STXBP3: variants seen among roughly 807,000 people sequenced by gnomAD.
The protein encoded by STXBP3 is syntaxin-binding protein 3.
A neutral mutation model predicts 85.7 loss-of-function variants in STXBP3; 41 were observed. The ratio of observed to expected loss-of-function variants is 0.48; its 90% confidence interval spans 0.37 to 0.62. The LOEUF is 0.62. Ranked by LOEUF, STXBP3 falls within the 20% of genes least tolerant of loss-of-function variation. The probability of loss-of-function intolerance (pLI) is 0.00; values close to 1 mark genes in which losing one functional copy is unlikely to be tolerated. For missense variants in STXBP3, 563 were observed against 703.1 expected, an observed-to-expected ratio of 0.80 and a Z score of 2.25; for synonymous variants, 229 against 231.7, an observed-to-expected ratio of 0.99 and a Z score of 0.10.
intron 8 of STXBP3, among the ~76,000 whole-genome samples, chr1:108,777,088 G>A (rs539083044): frequency 6.6e-6 from 1 of 152,244 alleles, no homozygotes; most frequent in South Asian, 2.1e-4. Flanking sequence ...AGCTTGAGGA[G>A]ACTGACAGAG....
In STXBP3 at chr1:108,792,924, C is replaced by T. The variant is rs1431057060; in HGVS notation, c.964-658C>T. ...TTAGGTCTCTTTACTTTGTCTAGATCAGGAGATGCTAGTATATTCTTAGCA... is the reference window on the plus strand; with the variant it reads ...TTAGGTCTCTTTACTTTGTCTAGATTAGGAGATGCTAGTATATTCTTAGCA... On this transcript the variant is annotated intron_variant, in intron 11 of 18. Transcript: ENST00000370008. Among the ~76,000 whole-genome samples the T allele has an allele frequency of 2.0e-5, 3 of 152,282 alleles. No individual in the cohort carries two copies. In the East Asian group the frequency reaches 5.8e-4, roughly 29 times the overall value.
intron 7 of STXBP3, 52 bp from the exon 8 acceptor site, chr1:108,776,281 A>G: frequency 8.3e-7 from 1 of 1,198,392 alleles, no homozygotes; most frequent in South Asian, 1.7e-5. Flanking sequence ...ATGATATTAT[A>G]AAGTATACAC....
chr1:108,748,196 T>C (rs147793831), intron 1 of STXBP3, among the ~76,000 whole-genome samples: 17 of 152,294 alleles, frequency 1.1e-4, no homozygotes, highest in African/African-American at 3.9e-4. Flanking sequence ...AATTGCTTTT[T>C]AAATACCTTG....
chr1:108,795,270 A>G (rs990814847), intron 13 of STXBP3, among the ~76,000 whole-genome samples: 2 of 152,160 alleles, frequency 1.3e-5, no homozygotes, highest in Non-Finnish European at 2.9e-5. Context: ...TCATGCCTCA[A>G]CTGTTTAGAC....
intron 3 of STXBP3, among the ~76,000 whole-genome samples, chr1:108,753,670 C>T (rs888665207): frequency 2.6e-5 from 4 of 152,004 alleles, no homozygotes; most frequent in African/African-American, 9.7e-5. Context: ...ATCATAATGT[C>T]ATAAGAAGTT....
chr1:108,747,344 G>C (rs924532570), intron 1 of STXBP3, among the ~76,000 whole-genome samples: 1 of 152,166 alleles, frequency 6.6e-6, no homozygotes, highest in African/African-American at 2.4e-5. Flanking sequence ...TTTCTGAAAA[G>C]TTCTTGAGAA....
rs75833177 is a variant in STXBP3, at chr1:108,750,084, A to G, written c.50-2173A>G. The stretch of plus-strand genomic sequence containing the variant: ...AGGACAATGCAGTTCTAAGGTTTCA[A>G]AGACTGTAATGAGATGACTTCTGCT... On this transcript the variant is annotated intron_variant, in intron 1 of 18. Coordinates refer to ENST00000370008, the MANE Select transcript of STXBP3 (RefSeq NM_007269.4). 5.9e-5 allele frequency among the ~76,000 whole-genome samples: 9 copies of G among 152,128 alleles called. No individual in the cohort carries two copies. In the East Asian group the frequency reaches 1.4e-3, roughly 23 times the overall value.
At chr1:108,774,771 A>G (rs1662550840) in intron 7 of STXBP3, among the ~76,000 whole-genome samples, 1 of 150,096 alleles carries the variant, frequency 6.7e-6, no homozygotes, top group Non-Finnish European at 1.5e-5. Context: ...CTTGTCAGAG[A>G]TGTGCTAATT....
chr1:108,779,536 C>A, intron 9 of STXBP3, 126 bp downstream of exon 9: 2 of 974,068 alleles, frequency 2.1e-6, no homozygotes, highest in Non-Finnish European at 2.9e-6. Context: ...GAGACTTTAT[C>A]CTTCTCTTAT....
chr1:108,779,627 G>A (rs1453997903), intron 9 of STXBP3: 1 of 387,116 alleles, frequency 2.6e-6, no homozygotes, highest in African/African-American at 2.1e-5. Flanking sequence ...CATTTTTGGT[G>A]TGTTTGCTTC....
chr1:108,758,643 C>A, intron 5 of STXBP3, 55 bp downstream of exon 5: 1 of 1,061,908 alleles, frequency 9.4e-7, no homozygotes, highest in Non-Finnish European at 1.3e-6. Context: ...TGGTTTTAAA[C>A]TGTCGACTTT....
intron 13 of STXBP3, 24 bp from the exon 14 acceptor site, chr1:108,796,210 T>C: frequency 1.9e-6 from 3 of 1,600,944 alleles, no homozygotes; most frequent in Non-Finnish European, 2.6e-6. Flanking sequence ...TATAGATCAC[T>C]GACAATATTT....
At chr1:108,773,463 C>A (rs1173839802) in intron 7 of STXBP3, among the ~76,000 whole-genome samples, 1 of 152,052 alleles carries the variant, frequency 6.6e-6, no homozygotes, top group Non-Finnish European at 1.5e-5. Context: ...TACATAAAGA[C>A]CTGAAACACT....
chr1:108,771,661 TATCA>T (rs1336261032), intron 6 of STXBP3, among the ~76,000 whole-genome samples: 2 of 11,388 alleles, frequency 1.8e-4, no homozygotes, highest in African/African-American at 2.5e-4. Context: ...TATCTATATA[TATCA>T]TATATAAATA....
intron 11 of STXBP3, among the ~76,000 whole-genome samples, chr1:108,790,725 GT>G (rs774265841): frequency 1.3e-5 from 2 of 150,660 alleles, no homozygotes; most frequent in Non-Finnish European, 3.0e-5. Flanking sequence ...CCTTCCTTTA[GT>G]TATTATACTG....
chr1:108,790,295 TC>T (rs1662948830), intron 11 of STXBP3, among the ~76,000 whole-genome samples: 1 of 152,196 alleles, frequency 6.6e-6, no homozygotes, highest in African/African-American at 2.4e-5. Context: ...TAGCTATCTT[TC>T]TGTTGAATTT....
At chr1:108,789,204 C>T (rs2101128323) in intron 11 of STXBP3, among the ~76,000 whole-genome samples, 1 of 152,300 alleles carries the variant, frequency 6.6e-6, no homozygotes, top group East Asian at 1.9e-4. Context: ...CTTCAGCTTA[C>T]TTTGTTTTAA....
At position 108,767,025 on chromosome 1, in the gene STXBP3, A is replaced by G. The variant is rs147018685; in HGVS notation, c.439-5640A>G. 1.2e-4 allele frequency: 56 copies of G among 462,672 alleles called. No individual in the cohort carries two copies. The East Asian group carries it at 3.1e-3, about 26-fold the overall frequency. The allele number at this position is 462,672 out of a possible 1,614,324, so 28.7% of individuals were successfully genotyped here. On this transcript the variant is annotated intron_variant, in intron 6 of 18. Transcript: ENST00000370008. ...TGTGTCACTTTCTAACATGTCACCAACCATCACACAGTCCACAGGTTGTAC... is the reference window on the plus strand; with the variant it reads ...TGTGTCACTTTCTAACATGTCACCAGCCATCACACAGTCCACAGGTTGTAC...
At chr1:108,753,239 TA>T in intron 3 of STXBP3, 95 bp downstream of exon 3, 1 of 784,396 alleles carries the variant, frequency 1.3e-6, no homozygotes, top group South Asian at 3.2e-5. Flanking sequence ...CTAAGGAGCT[TA>T]TTTTTTTAAA....
Sources: gnomAD v4.1 joint callset for allele counts (sites outside exome capture counted in the v4.1 genomes callset) on GRCh38, gnomAD v4.1.1 for gene constraint, MANE v1.5 for transcripts, NCBI Gene and HGNC (gene_info 2026-07-23, HGNC 2026-07-21) for gene names.